Variants in ACTR3C observed in about 807,000 individuals in gnomAD.
The protein encoded by ACTR3C is actin related protein 3C, also known as actin-related protein 3C.
A neutral mutation model predicts 26.3 loss-of-function variants in ACTR3C; 18 were observed. The ratio of observed to expected loss-of-function variants is 0.68; its 90% CI spans 0.47 to 1.01. The LOEUF is 1.01. ACTR3C is among the 50% of genes least tolerant of loss of function. The pLI is 0.00. For missense variants in ACTR3C, 184 were observed against 250.7 expected, an observed-to-expected ratio of 0.73 and a Z score of 1.80; for synonymous variants, 55 against 94.5, an observed-to-expected ratio of 0.58 and a Z score of 2.42.
At chr7:150,100,074 C>T in the ACTR3C span, among the ~76,000 whole-genome samples, 21 of 151,790 alleles carry the variant, frequency 1.4e-4, no homozygotes, top group South Asian at 2.5e-3. Context: ...TCAGGAAACT[C>T]GGCTCTTCTG....
At chr7:150,178,751 G>A in the ACTR3C span, among the ~76,000 whole-genome samples, 25,959 of 150,446 alleles carry the variant, frequency 0.17, 4,974 homozygotes, top group African/African-American at 0.43. Flanking sequence ...CATCGATTGT[G>A]TAATTTTATT....
At chr7:150,041,119 C>G in the ACTR3C span, among the ~76,000 whole-genome samples, 55 of 150,502 alleles carry the variant, frequency 3.7e-4, 1 homozygote, top group Non-Finnish European at 7.1e-4. Flanking sequence ...TCGGGTAGCC[C>G]CAGGGCTGGG....
chr7:149,904,016 C>T, the ACTR3C span, among the ~76,000 whole-genome samples: 2,920 of 76,400 alleles, frequency 0.038, 166 homozygotes, highest in Middle Eastern at 0.17. Flanking sequence ...CACTCCCAGG[C>T]TCAAGCAATT....
At chr7:150,121,190 C>T in the ACTR3C span, among the ~76,000 whole-genome samples, 2,177 of 152,332 alleles carry the variant, frequency 0.014, 22 homozygotes, top group African/African-American at 0.029. Flanking sequence ...TGCCCTCTCT[C>T]ACCACTCCTA....
the ACTR3C span, among the ~76,000 whole-genome samples, chr7:150,090,974 G>C: frequency 1.3e-5 from 2 of 152,096 alleles, no homozygotes; most frequent in South Asian, 4.2e-4. Flanking sequence ...CAGCAGAGCA[G>C]AACAAAGGGC....
chr7:150,166,156 T>C, the ACTR3C span, among the ~76,000 whole-genome samples: 52 of 151,670 alleles, frequency 3.4e-4, 1 homozygote, highest in African/African-American at 1.2e-3. Flanking sequence ...TGATTGACTT[T>C]CTGCATTTGC....
the ACTR3C span, among the ~76,000 whole-genome samples, chr7:150,076,962 C>T: frequency 3.9e-5 from 6 of 152,038 alleles, no homozygotes; most frequent in Non-Finnish European, 5.9e-5. Context: ...ATCAGGAGTT[C>T]GAGACCAGCC....
chr7:150,117,483 G>A, the ACTR3C span, among the ~76,000 whole-genome samples: 12 of 152,330 alleles, frequency 7.9e-5, no homozygotes, highest in African/African-American at 1.7e-4. Flanking sequence ...CAGACTGGGC[G>A]GAGCCCATGG....
the ACTR3C span, among the ~76,000 whole-genome samples, chr7:150,015,963 GA>G: frequency 6.6e-6 from 1 of 151,928 alleles, no homozygotes; most frequent in East Asian, 1.9e-4. Context: ...ATGGCACAGT[GA>G]ATCCACCCTG....
chr7:150,035,452 G>GCT, the ACTR3C span, among the ~76,000 whole-genome samples: 1 of 103,824 alleles, frequency 9.6e-6, no homozygotes, highest in African/African-American at 3.6e-5. Context: ...CGCGGGGGGT[G>GCT]CCTCCCCCGT....
At chr7:150,042,766 T>C in the ACTR3C span, among the ~76,000 whole-genome samples, 1 of 151,422 alleles carries the variant, frequency 6.6e-6, no homozygotes, top group African/African-American at 2.4e-5. Context: ...TTTAGAAACC[T>C]GTCTAGTTGT....
chr7:150,036,759 A>C, the ACTR3C span, among the ~76,000 whole-genome samples: 7 of 138,108 alleles, frequency 5.1e-5, 2 homozygotes, highest in Non-Finnish European at 1.2e-4. Flanking sequence ...CATGTAAGGT[A>C]TCTGCCGTCG....
chr7:150,266,826 A>G (rs1834076628), intron 6 of ACTR3C, among the ~76,000 whole-genome samples: 1 of 152,242 alleles, frequency 6.6e-6, no homozygotes, highest in South Asian at 2.1e-4. Flanking sequence ...AAAGACAGTC[A>G]ACAATATTTG....
At chr7:150,315,775 T>C (rs1490946928) in intron 1 of ACTR3C, among the ~76,000 whole-genome samples, 4 of 152,198 alleles carry the variant, frequency 2.6e-5, no homozygotes, top group African/African-American at 9.7e-5. Context: ...TTCATACATG[T>C]GTGTATTCTC....
intron 1 of ACTR3C, among the ~76,000 whole-genome samples, chr7:150,299,478 AAAAAAAAAAAAAAAAAC>A (rs1795234907): frequency 6.8e-6 from 1 of 146,776 alleles, no homozygotes; most frequent in Non-Finnish European, 1.5e-5. Context: ...AAAAAAAAAA[AAAAAAAAAAAAAAAAAC>A]AAAAAACAGG....
the ACTR3C span, among the ~76,000 whole-genome samples, chr7:150,215,822 T>C: frequency 6.6e-6 from 1 of 151,958 alleles, no homozygotes; most frequent in Non-Finnish European, 1.5e-5. Flanking sequence ...GAAAAAGTGC[T>C]CATGGAATCT....
At chr7:149,979,033 G>A in the ACTR3C span, among the ~76,000 whole-genome samples, 1 of 152,128 alleles carries the variant, frequency 6.6e-6, no homozygotes, top group South Asian at 2.1e-4. Flanking sequence ...TCAGAAACAC[G>A]GTATGTGTCT....
At chr7:149,932,534 C>A in the ACTR3C span, among the ~76,000 whole-genome samples, 1 of 152,118 alleles carries the variant, frequency 6.6e-6, no homozygotes, top group Non-Finnish European at 1.5e-5. Flanking sequence ...AGATGAAGGA[C>A]CACATCAAGT....
the ACTR3C span, among the ~76,000 whole-genome samples, chr7:150,081,125 T>C: frequency 6.6e-6 from 1 of 151,670 alleles, no homozygotes; most frequent in East Asian, 1.9e-4. Flanking sequence ...ACTGTGTGTA[T>C]TAAATATGGA....
Sources: gnomAD v4.1 joint callset for allele counts (sites outside exome capture counted in the v4.1 genomes callset) on GRCh38, gnomAD v4.1.1 for gene constraint, MANE v1.5 for transcripts, NCBI Gene and HGNC (gene_info 2026-07-23, HGNC 2026-07-21) for gene names.